Variants in SLC9A9 observed in about 807,000 individuals in gnomAD.
SLC9A9 encodes the protein sodium/hydrogen exchanger 9.
SLC9A9 carries 62 observed loss-of-function variants against 77.8 expected under a neutral mutation model. The observed-to-expected ratio is 0.80, with a 90% CI of 0.65 to 0.98. The LOEUF (loss-of-function observed/expected upper bound fraction) is 0.98. Ranked by LOEUF, SLC9A9 falls within the 50% of genes least tolerant of loss-of-function variation. The pLI, the probability that SLC9A9 is intolerant of heterozygous loss-of-function variation, is 0.00. For missense variants in SLC9A9, 775 were observed against 774.9 expected (o/e 1.00, Z 0.00); for synonymous variants, 320 against 283.5 (o/e 1.13, Z -1.29).
At chr3:143,475,967 C>A (rs1197405860) in intron 11 of SLC9A9, among the ~76,000 whole-genome samples, 1 of 150,288 alleles carries the variant, frequency 6.7e-6, no homozygotes, top group Non-Finnish European at 1.5e-5. Flanking sequence ...CTTTTTTTCC[C>A]CTTTCACTTC....
chr3:143,724,436 G>T (rs1050378068), intron 4 of SLC9A9, among the ~76,000 whole-genome samples: 1 of 152,160 alleles, frequency 6.6e-6, no homozygotes, highest in Non-Finnish European at 1.5e-5. Flanking sequence ...CTTTATAGCA[G>T]TGTGAGAATG....
intron 12 of SLC9A9, among the ~76,000 whole-genome samples, chr3:143,411,917 G>C (rs920679628): frequency 6.6e-6 from 1 of 152,150 alleles, no homozygotes; most frequent in African/African-American, 2.4e-5. Context: ...TTGTGGGCCA[G>C]TGAACAACAA....
intron 5 of SLC9A9, among the ~76,000 whole-genome samples, chr3:143,663,468 G>C (rs1328107772): frequency 6.6e-6 from 1 of 152,242 alleles, no homozygotes; most frequent in Non-Finnish European, 1.5e-5. Context: ...GAACGAATTC[G>C]ACGAGTTGAT....
chr3:143,399,214 G>C (rs1196346943), intron 12 of SLC9A9, among the ~76,000 whole-genome samples: 1 of 152,102 alleles, frequency 6.6e-6, no homozygotes. Flanking sequence ...CAATGGGTAA[G>C]CTAGGAAGCT....
Position 143,574,181 on chromosome 3 carries a change from T to A in SLC9A9, c.907A>T (p.Thr303Ser). The change falls in exon 8 of 16, where the codon ACC becomes TCC. Residue 303 changes from threonine to serine, a missense_variant. Physicochemically the swap from Thr to Ser is moderately conservative, Grantham distance 58 (BLOSUM62 1). Coordinates refer to ENST00000316549, the MANE Select transcript of SLC9A9 (RefSeq NM_173653.4). ...AGCATCGGGAACTCACACAGCTTGG[T>A]AAATTTGGTCAAGTGAGGAAGATAA... The part of the protein sequence containing the change: ...AIITALLTKF[T>S]KLCEFPMLET... 6.2e-7 allele frequency: 1 copy of A among 1,613,186 alleles called. No homozygotes were observed. Among genetic ancestry groups the A allele is most frequent in the Non-Finnish European group, 8.5e-7 (1 of 1,179,408 alleles).
At chr3:143,464,324 A>G (rs1417256363) in intron 12 of SLC9A9, among the ~76,000 whole-genome samples, 1 of 152,252 alleles carries the variant, frequency 6.6e-6, no homozygotes, top group African/African-American at 2.4e-5. Context: ...GTTTAAAGCC[A>G]TAATGGAATT....
At chr3:143,391,541 C>T (rs911991083) in intron 12 of SLC9A9, among the ~76,000 whole-genome samples, 11 of 152,290 alleles carry the variant, frequency 7.2e-5, no homozygotes, top group Middle Eastern at 6.8e-3. Context: ...AAAATCAGAG[C>T]GCCTCTCCCC....
chr3:143,360,040 T>G (rs977775495), intron 14 of SLC9A9, among the ~76,000 whole-genome samples: 1 of 152,184 alleles, frequency 6.6e-6, no homozygotes, highest in Non-Finnish European at 1.5e-5. Flanking sequence ...CATGAGGATT[T>G]ACAGGTAGAG....
chr3:143,756,029 T>C (rs1003161716), intron 4 of SLC9A9, among the ~76,000 whole-genome samples: 1 of 152,196 alleles, frequency 6.6e-6, no homozygotes, highest in African/African-American at 2.4e-5. Context: ...GTGTCATGCC[T>C]TAGGCAATGC....
intron 4 of SLC9A9, among the ~76,000 whole-genome samples, chr3:143,793,912 T>C (rs1251167521): frequency 6.6e-6 from 1 of 152,194 alleles, no homozygotes; most frequent in East Asian, 1.9e-4. Flanking sequence ...TTAAAGACCA[T>C]TTAAGTGTCC....
At chr3:143,698,227 T>G (rs1335180690) in intron 4 of SLC9A9, 2 of 153,756 alleles carry the variant, frequency 1.3e-5, no homozygotes, top group Admixed American at 1.3e-4. Context: ...TGTCCTCCTG[T>G]GGACACTCTG....
chr3:143,705,043 A>ATCTATC (rs1560040974), intron 4 of SLC9A9, among the ~76,000 whole-genome samples: 46 of 39,060 alleles, frequency 1.2e-3, no homozygotes, highest in African/African-American at 3.8e-3. Flanking sequence ...ATCTATCTAT[A>ATCTATC]TAGATATAGA....
chr3:143,763,040 G>C (rs559102524), intron 4 of SLC9A9, among the ~76,000 whole-genome samples: 1 of 152,224 alleles, frequency 6.6e-6, no homozygotes, highest in East Asian at 1.9e-4. Flanking sequence ...GGAGGCGATG[G>C]AACTATTGGC....
At chr3:143,595,953 CTAG>C (rs1158948580) in intron 6 of SLC9A9, among the ~76,000 whole-genome samples, 1 of 152,152 alleles carries the variant, frequency 6.6e-6, no homozygotes, top group Non-Finnish European at 1.5e-5. Flanking sequence ...AAAATAATCC[CTAG>C]TGGCTGGGCT....
rs2078613 is a variant in SLC9A9 at position 143,830,713 on chromosome 3, A to G, written c.378+1306T>C. On this transcript the variant is annotated intron_variant, in intron 2 of 15. Transcript: ENST00000316549. The stretch of plus-strand genomic sequence containing the variant: ...AACCAAAGGTAAAACTCAAGAATGT[A>G]TTTTAATTTAAATCCTATGTTGCTA... Among the ~76,000 whole-genome samples, 1,280 of 152,314 alleles carry G rather than the reference A, an allele frequency of 8.4e-3. 22 individuals are homozygous for G. The highest frequency in any genetic ancestry group is 0.03 in the African/African-American group (1,228 of 41,578).
chr3:143,450,585 C>T (rs901280936), intron 12 of SLC9A9, among the ~76,000 whole-genome samples: 10 of 99,536 alleles, frequency 1.0e-4, no homozygotes, highest in Non-Finnish European at 1.7e-4. Flanking sequence ...AAATTAAACA[C>T]TGCTCAAATG....
intron 9 of SLC9A9, among the ~76,000 whole-genome samples, chr3:143,530,457 G>T (rs1485058162): frequency 6.6e-6 from 1 of 152,090 alleles, no homozygotes; most frequent in Non-Finnish European, 1.5e-5. Flanking sequence ...CCATGATTGT[G>T]AGGCCTCCCT....
chr3:143,652,155 A>G, intron 6 of SLC9A9, 100 bp downstream of exon 6: 2 of 963,564 alleles, frequency 2.1e-6, no homozygotes, highest in Non-Finnish European at 3.2e-6. Flanking sequence ...CCTTGAAAAA[A>G]GCTAGAGACT....
At chr3:143,844,715 T>TTCTC in intron 1 of SLC9A9, among the ~76,000 whole-genome samples, 1 of 4,976 alleles carries the variant, frequency 2.0e-4, no homozygotes, top group South Asian at 4.7e-3. Context: ...TTCTTTCTCT[T>TTCTC]TCTTTCTTTC....
Sources: gnomAD v4.1 joint callset for allele counts (sites outside exome capture counted in the v4.1 genomes callset) on GRCh38, gnomAD v4.1.1 for gene constraint, MANE v1.5 for transcripts, NCBI Gene and HGNC (gene_info 2026-07-23, HGNC 2026-07-21) for gene names.